The following TMEM196 variants were observed in gnomAD, a reference collection of about 807,000 sequenced individuals.
The protein encoded by TMEM196 is transmembrane protein 196.
A neutral mutation model predicts 20.0 loss-of-function variants in TMEM196; 17 were observed. The ratio of observed to expected loss-of-function variants is 0.85; its 90% CI spans 0.58 to 1.27. The LOEUF is 1.27. TMEM196 is among the 50% of genes most tolerant of loss of function. The pLI, the probability that TMEM196 is intolerant of heterozygous loss-of-function variation, is 0.00. For missense variants in TMEM196, 267 were observed against 223.0 expected (o/e 1.20, Z -1.26); for synonymous variants, 113 against 88.9 (o/e 1.27, Z -1.52).
chr7:19,726,641 G>A (rs947572954), intron 2 of TMEM196, among the ~76,000 whole-genome samples: 2 of 152,010 alleles, frequency 1.3e-5, no homozygotes, highest in South Asian at 2.1e-4. Flanking sequence ...AGCTAGGGGG[G>A]TTTAATCAAC....
chr7:19,741,710 C>T (rs1784585972), intron 1 of TMEM196, among the ~76,000 whole-genome samples: 1 of 152,082 alleles, frequency 6.6e-6, no homozygotes, highest in Admixed American at 6.6e-5. Context: ...TACTTTTGCA[C>T]TGAGTGATGA....
intron 1 of TMEM196, among the ~76,000 whole-genome samples, chr7:19,738,544 T>C (rs1361252561): frequency 2.6e-5 from 4 of 152,024 alleles, no homozygotes; most frequent in Non-Finnish European, 5.9e-5. Context: ...AAAGGAACCA[T>C]GCATCCTTGG....
Position 19,720,511 on chromosome 7 carries a change from T to G in TMEM196, c.*1617A>C, listed in dbSNP as rs1207429908. 1.3e-5 allele frequency: 2 copies of G among 152,000 alleles called. No individual in the cohort carries two copies. Among genetic ancestry groups the G allele is most frequent in the African/African-American group, 4.8e-5 (2 of 41,438 alleles). The allele number at this position is 152,000 out of a possible 1,614,324, so 9.4% of individuals were successfully genotyped here. ...CATAAAAAATGACTTGAAAATTGAT[T>G]AGATTTGAGGAAAAAGAAAAGTATA... On this transcript the variant is annotated 3_prime_UTR_variant, in exon 5 of 5. Coordinates refer to ENST00000405844, the MANE Select transcript of TMEM196 (RefSeq NM_001363562.2).
At chr7:19,730,850 A>G (rs781233417) in intron 1 of TMEM196, among the ~76,000 whole-genome samples, 1 of 152,226 alleles carries the variant, frequency 6.6e-6, no homozygotes, top group Non-Finnish European at 1.5e-5. Context: ...AACACAGAAT[A>G]TATAAGAATT....
In TMEM196 at chr7:19,721,188, T is replaced by C. The variant is rs1172136408; in HGVS notation, c.*940A>G. On this transcript the variant is annotated 3_prime_UTR_variant, in exon 5 of 5. Transcript: ENST00000405844. ...TTAGTAGAAATTAAACATGTGATTT[T>C]GTGGGCATAGAAGGGCCTTGAGCAA... is the stretch of plus-strand genomic sequence containing the variant. 6.6e-6 allele frequency: 1 copy of C among 151,944 alleles called. No individual in the cohort carries two copies. The highest frequency in any genetic ancestry group is 1.5e-5 in the Non-Finnish European group (1 of 67,812). The allele number at this position is 151,944 out of a possible 1,614,324, so 9.4% of individuals were successfully genotyped here.
At chr7:19,749,064 T>C (rs12534026) in intron 1 of TMEM196, among the ~76,000 whole-genome samples, 37,055 of 152,110 alleles carry the variant, frequency 0.24, 5,732 homozygotes, top group East Asian at 0.44. Flanking sequence ...TGTCATTTTG[T>C]TATTTTGTAT....
intron 4 of TMEM196, 113 bp downstream of exon 4, chr7:19,724,164 AAAC>A: frequency 1.1e-6 from 1 of 908,668 alleles, no homozygotes; most frequent in Non-Finnish European, 1.7e-6. Flanking sequence ...ATACTTTGAG[AAAC>A]AACATTAAAC....
chr7:19,765,006 A>C (rs1006907699), intron 1 of TMEM196, among the ~76,000 whole-genome samples: 12 of 152,196 alleles, frequency 7.9e-5, no homozygotes, highest in Non-Finnish European at 1.8e-4. Flanking sequence ...CTCTGACTTA[A>C]AGTACTGACT....
At chr7:19,766,316 C>G (rs1248406282) in intron 1 of TMEM196, among the ~76,000 whole-genome samples, 1 of 152,020 alleles carries the variant, frequency 6.6e-6, no homozygotes, top group Non-Finnish European at 1.5e-5. Context: ...TTCTCTCTTT[C>G]TCTTTTCTAG....
In TMEM196 at chr7:19,725,790, G is replaced by A. The variant is rs754915904; in HGVS notation, c.205-22C>T. 9 of 1,567,190 alleles carry A rather than the reference G, an allele frequency of 5.7e-6. No individual in the cohort carries two copies. The African/African-American group carries it at 1.2e-4, about 21-fold the overall frequency. On this transcript the variant is annotated intron_variant, in intron 2 of 4. Coordinates refer to ENST00000405844, the MANE Select transcript of TMEM196 (RefSeq NM_001363562.2). ...TCATCTGATAAGAAAAAGAAAGGCA[G>A]CGTTAAAGTTGAAAAGGCAAACCTG...
Position 19,720,606 on chromosome 7 carries a change from TA to T in TMEM196, c.*1521del. 6.6e-6 allele frequency: 1 copy of T among 152,108 alleles called. No individual in the cohort carries two copies. Among genetic ancestry groups the T allele is most frequent in the South Asian group, 2.1e-4 (1 of 4,826 alleles). The allele number at this position is 152,108 out of a possible 1,614,324, so 9.4% of individuals were successfully genotyped here. The stretch of plus-strand genomic sequence containing the variant: ...TCTGTTGCCAGAGGTTATATTCTGA[TA>T]AATATATTCAGATATATGTTGTTTT... On this transcript the variant is annotated 3_prime_UTR_variant, in exon 5 of 5. Coordinates refer to ENST00000405844, the MANE Select transcript of TMEM196 (RefSeq NM_001363562.2).
chr7:19,764,752 A>G, intron 1 of TMEM196, among the ~76,000 whole-genome samples: 1 of 152,146 alleles, frequency 6.6e-6, no homozygotes, highest in Non-Finnish European at 1.5e-5. Flanking sequence ...TAGGTCCAAT[A>G]TCTTAGATGC....
At chr7:19,757,259 C>T (rs1024197990) in intron 1 of TMEM196, among the ~76,000 whole-genome samples, 1 of 150,434 alleles carries the variant, frequency 6.6e-6, no homozygotes, top group African/African-American at 2.5e-5. Flanking sequence ...CTGCAACCTC[C>T]GCCTCCAAGG....
intron 1 of TMEM196, among the ~76,000 whole-genome samples, chr7:19,756,894 G>T (rs1449187610): frequency 6.6e-6 from 1 of 152,090 alleles, no homozygotes; most frequent in South Asian, 2.1e-4. Context: ...GGTGAATAGT[G>T]TAAAGCACAT....
intron 2 of TMEM196, among the ~76,000 whole-genome samples, chr7:19,729,087 C>T (rs934572855): frequency 2.4e-4 from 36 of 152,106 alleles, no homozygotes; most frequent in Non-Finnish European, 4.0e-4. Flanking sequence ...GTCTGGCAGT[C>T]TCCAGATTGG....
intron 1 of TMEM196, among the ~76,000 whole-genome samples, chr7:19,733,925 CA>C (rs1303588064): frequency 6.6e-6 from 1 of 152,152 alleles, no homozygotes; most frequent in Non-Finnish European, 1.5e-5. Flanking sequence ...CCTTCAGCCC[CA>C]CCTTCACTCA....
chr7:19,766,684 C>T (rs925179196), intron 1 of TMEM196, among the ~76,000 whole-genome samples: 14 of 151,298 alleles, frequency 9.3e-5, no homozygotes, highest in African/African-American at 3.4e-4. Context: ...TTTCTCTCAC[C>T]TTTGGTCACC....
In TMEM196 at chr7:19,772,636, G is replaced by C. The variant is rs1583469601; in HGVS notation, c.61C>G (p.Leu21Val). ...LLVLSVLEIG[L>V]GVSSVAVGAV... ...CCCACGGCCACGCTGGACACCCCCA[G>C]CCCTATCTCCAGCACGGAGAGCACC... The change falls in exon 1 of 5, where the codon CTG (leucine) becomes GTG (valine). Residue 21 changes from leucine (L) to valine (V), a missense_variant. Transcript: ENST00000405844. 1 of 1,547,174 alleles carries C rather than the reference G, an allele frequency of 6.5e-7. No homozygotes were observed. The highest frequency in any genetic ancestry group is 8.7e-7 in the Non-Finnish European group (1 of 1,145,800).
intron 1 of TMEM196, among the ~76,000 whole-genome samples, chr7:19,741,223 T>C (rs969143327): frequency 6.6e-5 from 10 of 152,202 alleles, no homozygotes; most frequent in African/African-American, 2.2e-4. Flanking sequence ...CAATGTGTTA[T>C]TTCGTTTGCA....
Sources: allele counts gnomAD v4.1 joint callset (sites outside exome capture counted in the v4.1 genomes callset), GRCh38; gene constraint gnomAD v4.1.1; transcripts MANE v1.5; gene names NCBI Gene and HGNC (gene_info 2026-07-23, HGNC 2026-07-21).